Variants in NCL observed in about 807,000 individuals in gnomAD.
The protein encoded by NCL is nucleolin multifunctional protein.
Under a neutral mutation model 77.7 loss-of-function variants are expected in NCL, and 4 were observed. The observed-to-expected ratio is 0.05, with a 90% CI of 0.03 to 0.12. The LOEUF is 0.12. Ranked by LOEUF, NCL falls within the 10% of genes least tolerant of loss-of-function variation. The pLI, the probability that NCL is intolerant of heterozygous loss-of-function variation, is 1.00. For missense variants in NCL, 763 were observed against 860.9 expected, an observed-to-expected ratio of 0.89 and a Z score of 1.42; for synonymous variants, 344 against 297.8, an observed-to-expected ratio of 1.16 and a Z score of -1.60.
rs1363309991 is a variant in NCL at position 231,454,856 on chromosome 2, AAAAAC to A, written c.*330_*334del. ...ACAACCCCACGAACGCAAAAAAAAA[AAAAAC>A]AAAAACAAAACAAAAAAAAGAAACA... On this transcript the variant is annotated 3_prime_UTR_variant, in exon 14 of 14. Coordinates refer to ENST00000322723, the MANE Select transcript of NCL (RefSeq NM_005381.3). 3.6e-5 allele frequency: 7 copies of A among 194,558 alleles called. No individual in the cohort carries two copies. Among genetic ancestry groups the A allele is most frequent in the South Asian group, 2.9e-4 (2 of 6,878 alleles). 12.1% of individuals were successfully genotyped at this position (194,558 alleles called of 1,614,324 possible). A position where few individuals can be genotyped will look rare whatever the true frequency, so the allele number is the denominator to read the frequency against.
At chr2:231,459,428 G>A (rs2046924777) in intron 6 of NCL, among the ~76,000 whole-genome samples, 1 of 152,000 alleles carries the variant, frequency 6.6e-6, no homozygotes, top group Non-Finnish European at 1.5e-5. Context: ...AATCCTGTCT[G>A]GATAAAAGTA....
Position 231,464,467 on chromosome 2 carries a change from C to T in NCL, c.-114G>A, listed in dbSNP as rs2046981940. 19 of 1,419,258 alleles carry T rather than the reference C, an allele frequency of 1.3e-5. No homozygotes were observed. In the South Asian group the frequency reaches 2.3e-4, roughly 17 times the overall value. 87.9% of individuals were successfully genotyped at this position (1,419,258 alleles called of 1,614,324 possible). A position where few individuals can be genotyped will look rare whatever the true frequency, so the allele number is the denominator to read the frequency against. The stretch of plus-strand genomic sequence containing the variant: ...TCCCGGAGCACGTACACCCGAAGGC[C>T]AGCGAGAGCTCGAGACTGAGGCGAA... On this transcript the variant is annotated 5_prime_UTR_variant, in exon 1 of 14. Coordinates refer to ENST00000322723, the MANE Select transcript of NCL (RefSeq NM_005381.3).
chr2:231,461,224 C>A (rs184245260), intron 3 of NCL, among the ~76,000 whole-genome samples: 37 of 151,110 alleles, frequency 2.4e-4, no homozygotes, highest in African/African-American at 9.0e-4. Flanking sequence ...TGCAGTGAGC[C>A]GAGATAGCGC....
chr2:231,464,481 G>A lies in NCL; in HGVS notation c.-128C>T. 1 of 1,337,362 alleles carries A rather than the reference G, an allele frequency of 7.5e-7. No homozygotes were observed. Among genetic ancestry groups the A allele is most frequent in the Non-Finnish European group, 1.0e-6 (1 of 956,134 alleles). The allele number at this position is 1,337,362 out of a possible 1,614,324, so 82.8% of individuals were successfully genotyped here. A position where few individuals can be genotyped will look rare whatever the true frequency, so the allele number is the denominator to read the frequency against. On this transcript the variant is annotated 5_prime_UTR_variant, in exon 1 of 14. Transcript: ENST00000322723. ...CACCCGAAGGCCAGCGAGAGCTCGA[G>A]ACTGAGGCGAAAGACTGAGCCTGCC...
intron 6 of NCL, 116 bp from the exon 7 acceptor site, chr2:231,459,241 C>G (rs192902324): frequency 8.5e-7 from 1 of 1,178,668 alleles, no homozygotes; most frequent in African/African-American, 1.6e-5. Context: ...TAAAAAGCAC[C>G]CCTAGTATTA....
rs780105404 is a variant in NCL at position 231,456,692 on chromosome 2, A to G, written c.1644T>C (p.Ile548=). ...ACTCCAGCCTGATTGCTCTGCCCTC[A>G]ATTTCCCTTTTATTACAGGAATTTA... ...EALNSCNKRE[I]EGRAIRLELQ... The change falls in exon 11 of 14, where the codon ATT becomes ATC. Residue 548 remains isoleucine, a synonymous_variant. Transcript: ENST00000322723. 6.2e-7 allele frequency: 1 copy of G among 1,613,956 alleles called. No individual in the cohort carries two copies. The highest frequency in any genetic ancestry group is 8.5e-7 in the Non-Finnish European group (1 of 1,180,028).
Position 231,459,137 on chromosome 2 carries a change from AGAG to A in NCL, c.1041-15_1041-13del, listed in dbSNP as rs759755365. ...CATAACCAAATTTCCTTCAAGGTGG[AGAG>A]GAGGGCAAAATTACAACAGGTGAAA... is the stretch of plus-strand genomic sequence containing the variant. On this transcript the variant is annotated splice_polypyrimidine_tract_variant and intron_variant, in intron 6 of 13. Transcript: ENST00000322723. 2.3e-5 allele frequency: 36 copies of A among 1,544,062 alleles called. No homozygotes were observed. Among genetic ancestry groups the A allele is most frequent in the East Asian group, 4.8e-5 (2 of 41,866 alleles).
Position 231,457,138 on chromosome 2 carries a change from T to A in NCL, c.1448-14A>T. On this transcript the variant is annotated splice_polypyrimidine_tract_variant and intron_variant, in intron 9 of 13. Coordinates refer to ENST00000322723, the MANE Select transcript of NCL (RefSeq NM_005381.3). ...TTTTTGATTCACCTGCAAATAGAGA[T>A]GCCACATTCCTAAGACTCTGAAACA... is the stretch of plus-strand genomic sequence containing the variant. The A allele has an allele frequency of 6.2e-7, 1 of 1,613,534 alleles. No homozygotes were observed. Among genetic ancestry groups the A allele is most frequent in the Non-Finnish European group, 8.5e-7 (1 of 1,179,824 alleles).
chr2:231,461,863 G>A lies in NCL; in HGVS notation c.290C>T (p.Thr97Ile), dbSNP rs770062212. ...KKAAATPAKK[T>I]VTPAKAVTTP... ...GGTAACTGCTTTGGCTGGTGTAACT[G>A]TCTTCTTGGCAGGTGTTGCTGCTGC... The change falls in exon 3 of 14, where the codon ACA (threonine) becomes ATA (isoleucine). Residue 97 changes from threonine to isoleucine, a missense_variant. Thr to Ile is a moderately conservative substitution (Grantham distance 89, BLOSUM62 -1). Coordinates refer to ENST00000322723, the MANE Select transcript of NCL (RefSeq NM_005381.3). 1.2e-5 allele frequency: 20 copies of A among 1,614,112 alleles called. No individual in the cohort carries two copies. The highest frequency in any genetic ancestry group is 1.5e-5 in the Non-Finnish European group (18 of 1,180,060).
In NCL at chr2:231,461,775, A is replaced by T; in HGVS notation, c.378T>A (p.Gly126=). 1 of 1,614,098 alleles carries T rather than the reference A, an allele frequency of 6.2e-7. No individual in the cohort carries two copies. Among genetic ancestry groups the T allele is most frequent in the Non-Finnish European group, 8.5e-7 (1 of 1,180,024 alleles). Reference sequence around the variant, plus strand: ...TTGCCCCCTTGGCTGGGATGGCAGCACCCTTCTTACCAGGAGTTGCTACCA... The same window carrying T: ...TTGCCCCCTTGGCTGGGATGGCAGCTCCCTTCTTACCAGGAGTTGCTACCA... ...KALVATPGKK[G]AAIPAKGAKN... The change falls in exon 3 of 14, where the codon GGT becomes GGA. Residue 126 remains glycine (G), a synonymous_variant. Coordinates refer to ENST00000322723, the MANE Select transcript of NCL (RefSeq NM_005381.3).
intron 7 of NCL, 119 bp downstream of exon 7, chr2:231,458,882 C>T: frequency 1.7e-6 from 2 of 1,163,956 alleles, no homozygotes; most frequent in Non-Finnish European, 1.2e-6. Flanking sequence ...TAAGAGGAAA[C>T]CAAAGGAAAA....
In NCL at chr2:231,463,294, G is replaced by C. The variant is rs981246824; in HGVS notation, c.41C>G (p.Pro14Arg). ...LAKAGKNQGDPKKMAPPPKEV... is the reference protein window; with the variant it reads ...LAKAGKNQGDRKKMAPPPKEV... ...CTTTGGAGGAGGAGCCATTTTCTTG[G>C]GGTCACCTTGATTTTTACCTGCCTA... The change falls in exon 2 of 14, where the codon CCC (proline) becomes CGC (arginine). Residue 14 changes from proline to arginine, a missense_variant. Pro to Arg is a moderately radical substitution (Grantham distance 103). Coordinates refer to ENST00000322723, the MANE Select transcript of NCL (RefSeq NM_005381.3). 7 of 1,610,182 alleles carry C rather than the reference G, an allele frequency of 4.3e-6. No homozygotes were observed. Among genetic ancestry groups the C allele is most frequent in the Non-Finnish European group, 5.9e-6 (7 of 1,178,894 alleles).
intron 8 of NCL, among the ~76,000 whole-genome samples, 162 bp downstream of exon 8, chr2:231,458,104 G>C (rs2046909361): frequency 1.3e-5 from 2 of 152,158 alleles, no homozygotes; most frequent in Admixed American, 6.5e-5. Context: ...CACCCTATGA[G>C]TACATTATCC....
At position 231,460,453 on chromosome 2, in the gene NCL, C is replaced by T. The variant is rs144596422; in HGVS notation, c.898+25G>A. ...CATCATTTGTGCTGTTTATCTCCCC[C>T]ATATCCCCTAATTCTGCAAGTTACC... On this transcript the variant is annotated intron_variant, in intron 5 of 13. Coordinates refer to ENST00000322723, the MANE Select transcript of NCL (RefSeq NM_005381.3). 211 of 1,605,922 alleles carry T rather than the reference C, an allele frequency of 1.3e-4. 2 individuals are homozygous for T. The African/African-American group carries it at 2.6e-3, about 19-fold the overall frequency.
intron 1 of NCL, chr2:231,464,063 T>C: frequency 7.8e-7 from 1 of 1,281,874 alleles, no homozygotes; most frequent in Non-Finnish European, 1.0e-6. Flanking sequence ...TTTGGTCTCA[T>C]CTCTCCACCC....
intron 8 of NCL, among the ~76,000 whole-genome samples, 169 bp downstream of exon 8, chr2:231,458,097 C>T (rs970838769): frequency 1.3e-5 from 2 of 152,106 alleles, no homozygotes; most frequent in African/African-American, 4.8e-5. Flanking sequence ...TTAAAATCAC[C>T]CTATGAGTAC....
At position 231,455,540 on chromosome 2, in the gene NCL, T is replaced by G; in HGVS notation, c.1917A>C (p.Lys639Asn). The change falls in exon 13 of 14, where the codon AAA (lysine) becomes AAC (asparagine). Residue 639 changes from lysine to asparagine, a missense_variant. Around this residue, in one of 2 missense-constraint regions of NCL, gnomAD observed 173 missense variants for 290.4 expected, o/e 0.60. Coordinates refer to ENST00000322723, the MANE Select transcript of NCL (RefSeq NM_005381.3). ...TAGGTTTGGCCCAGTCCAAGGTAACTTTATTTCCATCAATTTCACCGTCTT... is the reference window on the plus strand; with the variant it reads ...TAGGTTTGGCCCAGTCCAAGGTAACGTTATTTCCATCAATTTCACCGTCTT... ...AMEDGEIDGN[K>N]VTLDWAKPKG... 1 of 1,614,212 alleles carries G rather than the reference T, an allele frequency of 6.2e-7. No homozygotes were observed. Among genetic ancestry groups the G allele is most frequent in the Non-Finnish European group, 8.5e-7 (1 of 1,180,048 alleles).
rs2046878714 is a variant in NCL at position 231,455,588 on chromosome 2, G to A, written c.1869C>T (p.Ala623=). The part of the protein sequence containing the change: ...GFVDFNSEED[A]KAAKEAMEDG... ...CTTCCATGGCCTCCTTGGCAGCTTT[G>A]GCATCCTCCTCACTGTTGAAGTCTA... The change falls in exon 13 of 14, where the codon GCC becomes GCT. Residue 623 remains alanine, a synonymous_variant. Transcript: ENST00000322723. 6.2e-7 allele frequency: 1 copy of A among 1,614,046 alleles called. No individual in the cohort carries two copies. The highest frequency in any genetic ancestry group is 1.1e-5 in the South Asian group (1 of 91,080).
Position 231,455,034 on chromosome 2 carries a change from T to C in NCL, c.*157A>G, listed in dbSNP as rs564216639. On this transcript the variant is annotated 3_prime_UTR_variant, in exon 14 of 14. Coordinates refer to ENST00000322723, the MANE Select transcript of NCL (RefSeq NM_005381.3). ...ATATCCAGTCAAAACCAACACGGTATTGCCCTTGAAATGTTAACTAGACGG... is the reference window on the plus strand; with the variant it reads ...ATATCCAGTCAAAACCAACACGGTACTGCCCTTGAAATGTTAACTAGACGG... 2.9e-5 allele frequency: 22 copies of C among 749,412 alleles called. No individual in the cohort carries two copies. Among genetic ancestry groups the C allele is most frequent in the East Asian group, 5.0e-5 (2 of 40,092 alleles). The allele number at this position is 749,412 out of a possible 1,614,324, so 46.4% of individuals were successfully genotyped here. A position where few individuals can be genotyped will look rare whatever the true frequency, so the allele number is the denominator to read the frequency against.
Sources: allele counts gnomAD v4.1 joint callset (sites outside exome capture counted in the v4.1 genomes callset), GRCh38; gene constraint gnomAD v4.1.1; regional missense constraint gnomAD v4.1.1; transcripts MANE v1.5; gene names NCBI Gene and HGNC (gene_info 2026-07-23, HGNC 2026-07-21).